The following PWWP2B variants were observed in gnomAD, a reference collection of about 807,000 sequenced individuals.
The protein encoded by PWWP2B is PWWP domain-containing protein 2B.
PWWP2B carries 9 observed loss-of-function variants against 15.5 expected under a neutral mutation model. The ratio of observed to expected loss-of-function variants is 0.58; its 90% CI spans 0.35 to 1.02. PWWP2B has a LOEUF of 1.02. Among genes scored for constraint, PWWP2B ranks in the 50% least tolerant of loss-of-function variants. The pLI is 0.02. For synonymous variants in PWWP2B, 474 were observed against 403.6 expected (o/e 1.17, Z -2.09); for missense variants, 864 against 865.3 (o/e 1.00, Z 0.02).
In PWWP2B at chr10:132,405,141, A is replaced by T; in HGVS notation, c.641A>T (p.Lys214Met). 6.5e-7 allele frequency: 1 copy of T among 1,544,998 alleles called. No homozygotes were observed. Among genetic ancestry groups the T allele is most frequent in the Non-Finnish European group, 8.7e-7 (1 of 1,144,652 alleles). Residue 214 changes from lysine to methionine, a missense_variant, in exon 2 of 3, where the codon AAG becomes ATG. This residue lies in a region of PWWP2B where 736 missense variants were observed against 687.7 expected (regional missense o/e 1.07). Transcript: ENST00000305233. ...AGCGGCCCGGACAGGGAGCTCCGCAAGCCGGAGGAGCCGGAGAACGGCGAG... is the reference window on the plus strand; with the variant it reads ...AGCGGCCCGGACAGGGAGCTCCGCATGCCGGAGGAGCCGGAGAACGGCGAG... Reference protein sequence around the residue: ...LGSGPDRELRKPEEPENGEPT... With the variant: ...LGSGPDRELRMPEEPENGEPT...
intron 1 of PWWP2B, among the ~76,000 whole-genome samples, chr10:132,402,300 G>T (rs964786615): frequency 6.6e-6 from 1 of 152,370 alleles, no homozygotes; most frequent in East Asian, 1.9e-4. Context: ...AGCCCTAGTG[G>T]GGTTGCCCCC....
At chr10:132,408,770 T>G (rs1310815345) in intron 2 of PWWP2B, among the ~76,000 whole-genome samples, 2 of 152,218 alleles carry the variant, frequency 1.3e-5, no homozygotes, top group Non-Finnish European at 2.9e-5. Flanking sequence ...CATCTACCCA[T>G]GAGAGACCCC....
rs117983541 is a variant in PWWP2B, at chr10:132,404,109, C to T, written c.126-517C>T. On this transcript the variant is annotated intron_variant, in intron 1 of 2. Coordinates refer to ENST00000305233, the MANE Select transcript of PWWP2B (RefSeq NM_138499.4). ...TCTGGGCTCCTGCAGGGAGCTTTCT[C>T]CAGGGGCTTGCTTTGGGGGTTGAAG... Among the ~76,000 whole-genome samples, 13 of 147,306 alleles carry T rather than the reference C, an allele frequency of 8.8e-5. No homozygotes were observed. In the East Asian group the frequency reaches 1.6e-3, roughly 18 times the overall value.
At chr10:132,415,614 C>T (rs111326071) in intron 2 of PWWP2B, among the ~76,000 whole-genome samples, 15,772 of 148,004 alleles carry the variant, frequency 0.11, 1,330 homozygotes, top group African/African-American at 0.24. Context: ...TACTCACACA[C>T]ATCCAATCAC....
At chr10:132,408,598 C>T (rs1392312881) in intron 2 of PWWP2B, among the ~76,000 whole-genome samples, 1 of 152,230 alleles carries the variant, frequency 6.6e-6, no homozygotes, top group Non-Finnish European at 1.5e-5. Flanking sequence ...CCTGGCCTGG[C>T]CCCAGCCGCT....
intron 1 of PWWP2B, among the ~76,000 whole-genome samples, chr10:132,400,900 G>C (rs1279901297): frequency 6.6e-6 from 1 of 152,254 alleles, no homozygotes; most frequent in Admixed American, 6.5e-5. Context: ...CAGGCAGGGG[G>C]CTGCCATGTG....
At chr10:132,409,877 A>G (rs2069755446) in intron 2 of PWWP2B, among the ~76,000 whole-genome samples, 1 of 152,034 alleles carries the variant, frequency 6.6e-6, no homozygotes, top group South Asian at 2.1e-4. Context: ...CAGGATCTGA[A>G]TGGTGAGCTA....
chr10:132,415,448 C>A (rs1045739864), intron 2 of PWWP2B, among the ~76,000 whole-genome samples: 1 of 150,884 alleles, frequency 6.6e-6, no homozygotes, highest in Admixed American at 6.6e-5. Context: ...CTCACACTCA[C>A]ATCCACTCAC....
rs187369851 is a variant in PWWP2B, at chr10:132,416,569, G to C, written c.*17-492G>C. Among the ~76,000 whole-genome samples, 3 of 152,246 alleles carry C rather than the reference G, an allele frequency of 2.0e-5. No individual in the cohort carries two copies. In the East Asian group the frequency reaches 5.8e-4, roughly 29 times the overall value. On this transcript the variant is annotated intron_variant, in intron 2 of 2. Transcript: ENST00000305233. ...ATCTGGGAAAGGGTTTTCCCCTCAGGGTCTAGCCCTCCCTTCCCACCCTGG... is the reference window on the plus strand; with the variant it reads ...ATCTGGGAAAGGGTTTTCCCCTCAGCGTCTAGCCCTCCCTTCCCACCCTGG...
chr10:132,399,008 CCCCCAG>C (rs2069576939), intron 1 of PWWP2B, among the ~76,000 whole-genome samples: 1 of 111,700 alleles, frequency 9.0e-6, no homozygotes, highest in South Asian at 2.4e-4. Context: ...GTTCTCCTCT[CCCCCAG>C]CCCCAGTCCT....
At position 132,397,355 on chromosome 10, in the gene PWWP2B, A is replaced by G; in HGVS notation, c.125+4A>G. Reference sequence around the variant, plus strand: ...TCCTGCTGGACTGCACGAAAAAGTGAGCGGGGGCGCGGGCCGGGACACCCC... The same window carrying G: ...TCCTGCTGGACTGCACGAAAAAGTGGGCGGGGGCGCGGGCCGGGACACCCC... On this transcript the variant is annotated splice_donor_region_variant and intron_variant, in intron 1 of 2. Coordinates refer to ENST00000305233, the MANE Select transcript of PWWP2B (RefSeq NM_138499.4). The G allele has an allele frequency of 7.5e-7, 1 of 1,336,364 alleles. No homozygotes were observed. 82.8% of individuals were successfully genotyped at this position (1,336,364 alleles called of 1,614,324 possible).
intron 1 of PWWP2B, among the ~76,000 whole-genome samples, chr10:132,397,626 C>T (rs2069555212): frequency 6.6e-6 from 1 of 152,126 alleles, no homozygotes; most frequent in East Asian, 2.0e-4. Context: ...GAACTCCACA[C>T]ATCTGCCATA....
intron 2 of PWWP2B, among the ~76,000 whole-genome samples, chr10:132,411,197 G>C (rs1239877120): frequency 6.6e-6 from 1 of 152,198 alleles, no homozygotes. Flanking sequence ...TGCCTCCACA[G>C]ACCTGGGGGT....
rs764875381 is a variant in PWWP2B, at chr10:132,404,824, G to A, written c.324G>A (p.Pro108=). 5.0e-5 allele frequency: 45 copies of A among 894,742 alleles called. No individual in the cohort carries two copies. The Admixed American group carries it at 6.0e-4, about 12-fold the overall frequency. 55.4% of individuals were successfully genotyped at this position (894,742 alleles called of 1,614,324 possible). A position where few individuals can be genotyped will look rare whatever the true frequency, so the allele number is the denominator to read the frequency against. Residue 108 remains proline, a synonymous_variant, in exon 2 of 3, where the codon CCG becomes CCA. Coordinates refer to ENST00000305233, the MANE Select transcript of PWWP2B (RefSeq NM_138499.4). Reference sequence around the variant, plus strand: ...AGCCACCCCCGCCCCTCGTGCCGCCGCTGCCCGCCGGAAGCCTGCCCCCGT... The same window carrying A: ...AGCCACCCCCGCCCCTCGTGCCGCCACTGCCCGCCGGAAGCCTGCCCCCGT... ...RPEPPPPLVP[P]LPAGSLPPYP... is the part of the protein sequence containing the mutation.
intron 1 of PWWP2B, among the ~76,000 whole-genome samples, chr10:132,399,046 C>T (rs1184177555): frequency 6.8e-6 from 1 of 147,246 alleles, no homozygotes; most frequent in Non-Finnish European, 1.5e-5. Context: ...TGGAAGGACC[C>T]CCGCCCCCTC....
In PWWP2B at chr10:132,407,270, G is replaced by T. The variant is rs74163906; in HGVS notation, c.*16+981G>T. 6.6e-3 allele frequency among the ~76,000 whole-genome samples: 1,005 copies of T among 152,302 alleles called. 6 individuals are homozygous for T. Among genetic ancestry groups the T allele is most frequent in the African/African-American group, 0.023 (952 of 41,576 alleles). On this transcript the variant is annotated intron_variant, in intron 2 of 2. Transcript: ENST00000305233. ...CAGGCCAGGGAGCAGTCCTTTCTGG[G>T]TGGGGGCAGCTGGTGGCCCTCTGTG...
rs766011190 is a variant in PWWP2B, at chr10:132,405,473, G to A, written c.973G>A (p.Gly325Ser). ...KLKLTRPVPA[G>S]ADLPPPKIRL... Reference sequence around the variant, plus strand: ...GAAACTGACACGGCCTGTGCCGGCCGGCGCGGACCTGCCGCCCCCTAAGAT... The same window carrying A: ...GAAACTGACACGGCCTGTGCCGGCCAGCGCGGACCTGCCGCCCCCTAAGAT... Residue 325 changes from glycine to serine, a missense_variant, in exon 2 of 3, where the codon GGC (glycine) becomes AGC (serine). Gly to Ser is a moderately conservative substitution (Grantham distance 56, BLOSUM62 0). This residue lies in a region of PWWP2B where 736 missense variants were observed against 687.7 expected (regional missense o/e 1.07). Coordinates refer to ENST00000305233, the MANE Select transcript of PWWP2B (RefSeq NM_138499.4). 38 of 1,605,676 alleles carry A rather than the reference G, an allele frequency of 2.4e-5. No homozygotes were observed. The highest frequency in any genetic ancestry group is 5.0e-5 in the Admixed American group (3 of 59,956).
At chr10:132,397,508 C>T (rs1168694191) in intron 1 of PWWP2B, among the ~76,000 whole-genome samples, 157 bp downstream of exon 1, 2 of 149,028 alleles carry the variant, frequency 1.3e-5, no homozygotes, top group Admixed American at 6.6e-5. Flanking sequence ...CGCGCGAGCG[C>T]GGCCGCCACT....
chr10:132,411,504 C>T (rs906651326), intron 2 of PWWP2B, among the ~76,000 whole-genome samples: 1 of 152,232 alleles, frequency 6.6e-6, no homozygotes, highest in African/African-American at 2.4e-5. Flanking sequence ...GAAGGGAAGG[C>T]CCCAGGAAGC....
Sources: allele counts gnomAD v4.1 joint callset (sites outside exome capture counted in the v4.1 genomes callset), GRCh38; gene constraint gnomAD v4.1.1; regional missense constraint gnomAD v4.1.1; transcripts MANE v1.5; gene names NCBI Gene and HGNC (gene_info 2026-07-23, HGNC 2026-07-21).